The following PTPRA variants were observed in gnomAD, a reference collection of about 807,000 sequenced individuals.
PTPRA encodes protein tyrosine phosphatase receptor type A, also known as receptor-type tyrosine-protein phosphatase alpha.
In PTPRA, 25 loss-of-function variants were observed where a neutral mutation model predicts 104.8. The ratio of observed to expected loss-of-function variants is 0.24; its 90% confidence interval spans 0.17 to 0.33. The LOEUF (loss-of-function observed/expected upper bound fraction) is 0.33. PTPRA is among the 10% of genes least tolerant of loss of function. The pLI is 1.00. For missense variants in PTPRA, 765 were observed against 1,015.3 expected, an observed-to-expected ratio of 0.75 and a Z score of 3.35; for synonymous variants, 323 against 368.9, an observed-to-expected ratio of 0.88 and a Z score of 1.43.
intron 1 of PTPRA, among the ~76,000 whole-genome samples, chr20:2,879,367 C>T (rs2089924763): frequency 6.6e-6 from 1 of 152,130 alleles, no homozygotes; most frequent in African/African-American, 2.4e-5. Context: ...CTAACCAGCT[C>T]CTGGGTGAGG....
At chr20:2,909,996 T>C (rs1188689270) in intron 1 of PTPRA, among the ~76,000 whole-genome samples, 1 of 87,646 alleles carries the variant, frequency 1.1e-5, no homozygotes, top group Non-Finnish European at 1.9e-5. Flanking sequence ...ATCATATATA[T>C]AATCTATCAT....
At chr20:3,027,083 T>C (rs772722858) in intron 18 of PTPRA, 38 bp from the exon 19 acceptor site, 2 of 1,599,698 alleles carry the variant, frequency 1.3e-6, no homozygotes, top group South Asian at 2.2e-5. Flanking sequence ...AGAGGACAAA[T>C]GATATTGGCT....
chr20:2,914,641 C>T (rs930663537), intron 1 of PTPRA, among the ~76,000 whole-genome samples: 5 of 152,088 alleles, frequency 3.3e-5, no homozygotes, highest in Non-Finnish European at 5.9e-5. Flanking sequence ...CTTGAATGTG[C>T]CCAGTCTTTC....
intron 16 of PTPRA, among the ~76,000 whole-genome samples, chr20:3,024,023 C>T (rs944476017): frequency 6.6e-6 from 1 of 152,174 alleles, no homozygotes; most frequent in South Asian, 2.1e-4. Context: ...AGGGAACAGG[C>T]AGCTGAAAGA....
intron 18 of PTPRA, 86 bp downstream of exon 18, chr20:3,026,866 G>C: frequency 8.3e-7 from 1 of 1,197,880 alleles, no homozygotes; most frequent in Non-Finnish European, 1.2e-6. Context: ...ACTAGTTAAT[G>C]ATTGGCGTAT....
intron 17 of PTPRA, 34 bp downstream of exon 17, chr20:3,024,655 A>G: frequency 6.2e-7 from 1 of 1,611,236 alleles, no homozygotes; most frequent in Non-Finnish European, 8.5e-7. Context: ...CTTCAGATTG[A>G]AGGATCCTTG....
chr20:2,933,957 GT>G lies in PTPRA; in HGVS notation c.-50+10676del, dbSNP rs1600135250. On this transcript the variant is annotated intron_variant, in intron 2 of 23. Transcript: ENST00000399903. ...TATTTTCAAATGTTTTCTTCAAATT[GT>G]TTTATAGTTTATTGGTACTTATTTA... Among the ~76,000 whole-genome samples, 4 of 152,132 alleles carry G rather than the reference GT, an allele frequency of 2.6e-5. No individual in the cohort carries two copies. In the East Asian group the frequency reaches 7.7e-4, roughly 29 times the overall value.
chr20:2,954,074 TAAC>T (rs2061448522), intron 3 of PTPRA, among the ~76,000 whole-genome samples: 1 of 134,400 alleles, frequency 7.4e-6, no homozygotes, highest in African/African-American at 2.8e-5. Flanking sequence ...CATACCCGGC[TAAC>T]TTTTTTTTTT....
At chr20:2,925,270 G>A (rs1351766256) in intron 2 of PTPRA, among the ~76,000 whole-genome samples, 1 of 152,106 alleles carries the variant, frequency 6.6e-6, no homozygotes, top group East Asian at 1.9e-4. Flanking sequence ...CCTCGTATAA[G>A]TGGAATCATA....
At chr20:2,996,767 T>G (rs1299872241) in intron 9 of PTPRA, among the ~76,000 whole-genome samples, 1 of 152,200 alleles carries the variant, frequency 6.6e-6, no homozygotes, top group Non-Finnish European at 1.5e-5. Context: ...AGCTAACCAT[T>G]ATTTTGGACC....
chr20:3,027,069 A>G, intron 18 of PTPRA, 52 bp from the exon 19 acceptor site: 27 of 1,573,376 alleles, frequency 1.7e-5, no homozygotes, highest in Non-Finnish European at 2.4e-5. Context: ...ATGCAAGGAG[A>G]GGGAGAGGAC....
intron 3 of PTPRA, among the ~76,000 whole-genome samples, chr20:2,958,480 C>T (rs554215648): frequency 4.6e-5 from 7 of 151,750 alleles, no homozygotes; most frequent in Non-Finnish European, 8.8e-5. Flanking sequence ...GAGCCACTTA[C>T]AGTGTCTTCA....
At chr20:2,962,680 T>C (rs900956407) in intron 3 of PTPRA, among the ~76,000 whole-genome samples, 1 of 152,186 alleles carries the variant, frequency 6.6e-6, no homozygotes, top group African/African-American at 2.4e-5. Context: ...TTATAAAATG[T>C]AAGTTTTATG....
At chr20:2,964,231 A>G in intron 3 of PTPRA, 41 bp from the exon 4 acceptor site, 1 of 1,481,266 alleles carries the variant, frequency 6.8e-7, no homozygotes. Context: ...CATAGTCCTG[A>G]TAATATAGGA....
At chr20:2,906,706 G>C (rs2059439796) in intron 1 of PTPRA, among the ~76,000 whole-genome samples, 2 of 151,944 alleles carry the variant, frequency 1.3e-5, no homozygotes, top group African/African-American at 4.8e-5. Context: ...TATTAATGCA[G>C]GTCTGTAATG....
At chr20:2,973,857 A>G (rs1399385710) in intron 5 of PTPRA, among the ~76,000 whole-genome samples, 2 of 152,112 alleles carry the variant, frequency 1.3e-5, no homozygotes, top group Non-Finnish European at 2.9e-5. Flanking sequence ...AAAGAGACTG[A>G]TCTGAGGGGA....
upstream of PTPRA, among the ~76,000 whole-genome samples, chr20:2,870,609 TCAATAAG>T (rs1210879027): frequency 2.0e-5 from 3 of 152,228 alleles, no homozygotes; most frequent in Admixed American, 6.5e-5. Context: ...TGGTCTGCAC[TCAATAAG>T]TATTTGTTGC....
chr20:2,976,305 C>G (rs1176549367), intron 6 of PTPRA, among the ~76,000 whole-genome samples: 1 of 152,158 alleles, frequency 6.6e-6, no homozygotes. Context: ...TACTTGCTCC[C>G]TAAAACTGCT....
intron 2 of PTPRA, among the ~76,000 whole-genome samples, chr20:2,935,315 A>G (rs1600137238): frequency 6.6e-6 from 1 of 152,322 alleles, no homozygotes; most frequent in Non-Finnish European, 1.5e-5. Flanking sequence ...ATCACAAATG[A>G]CAGAATTTAT....
Sources: allele counts gnomAD v4.1 joint callset (sites outside exome capture counted in the v4.1 genomes callset), GRCh38; gene constraint gnomAD v4.1.1; transcripts MANE v1.5; gene names NCBI Gene and HGNC (gene_info 2026-07-23, HGNC 2026-07-21).